TMEM67: variants seen among roughly 807,000 people sequenced by gnomAD.
TMEM67 encodes the protein meckelin.
A neutral mutation model predicts 136.6 loss-of-function variants in TMEM67; 124 were observed. That is an observed-to-expected ratio of 0.91 (90% CI 0.78 to 1.05). TMEM67 has a LOEUF of 1.05. Among genes scored for constraint, TMEM67 ranks in the 50% least tolerant of loss-of-function variants. TMEM67 has a pLI of 0.00. For missense variants in TMEM67, 1,107 were observed against 1,178.4 expected, an observed-to-expected ratio of 0.94 and a Z score of 0.89; for synonymous variants, 364 against 390.5, an observed-to-expected ratio of 0.93 and a Z score of 0.80.
intron 11 of TMEM67, among the ~76,000 whole-genome samples, chr8:93,782,712 T>A (rs142826703): frequency 6.6e-6 from 1 of 151,384 alleles, no homozygotes; most frequent in Non-Finnish European, 1.5e-5. Context: ...TAGCTGGAAT[T>A]ACAGACATGT....
Position 93,816,617 on chromosome 8 carries a change from G to A in TMEM67, c.*165G>A, listed in dbSNP as rs1030355767. The A allele has an allele frequency of 4.2e-6, 2 of 480,692 alleles. No homozygotes were observed. The highest frequency in any genetic ancestry group is 7.6e-6 in the Non-Finnish European group (2 of 263,778). 29.8% of individuals were successfully genotyped at this position (480,692 alleles called of 1,614,324 possible). ...TTTATAACTTGGGAATATATAACCT[G>A]ATATAATAGAAAATACTGTTTTCCC... On this transcript the variant is annotated 3_prime_UTR_variant, in exon 28 of 28. Transcript: ENST00000453321.
At chr8:93,808,815 T>C (rs1335904529) in intron 23 of TMEM67, 25 bp from the exon 24 acceptor site, 1 of 1,448,996 alleles carries the variant, frequency 6.9e-7, no homozygotes, top group African/African-American at 1.4e-5. Flanking sequence ...ATTTTGATCT[T>C]AACTTAAATT....
At position 93,799,758 on chromosome 8, in the gene TMEM67, G is replaced by A. The variant is rs115563233; in HGVS notation, c.2241G>A (p.Gln747=). 2.0e-3 allele frequency: 3,198 copies of A among 1,612,412 alleles called. 13 individuals are homozygous for A. The highest frequency in any genetic ancestry group is 7.8e-3 in the Middle Eastern group (47 of 6,056). Residue 747 remains glutamine (Q), a splice_region_variant and synonymous_variant, in exon 21 of 28, where the codon CAG becomes CAA. Transcript: ENST00000453321. ...AALWLAIGII[Q]VVFFAVFYER... Reference sequence around the variant, plus strand: ...TTTGGCTAGCCATTGGAATTATACAGGTAAGGAATTATACAGGTAATATTA... The same window carrying A: ...TTTGGCTAGCCATTGGAATTATACAAGTAAGGAATTATACAGGTAATATTA...
At chr8:93,784,228 T>C (rs1475453026) in intron 11 of TMEM67, among the ~76,000 whole-genome samples, 2 of 152,236 alleles carry the variant, frequency 1.3e-5, no homozygotes, top group East Asian at 1.9e-4. Flanking sequence ...ATAAATGTTA[T>C]TGTGCTTCTA....
At chr8:93,804,303 T>G (rs922105288) in intron 22 of TMEM67, among the ~76,000 whole-genome samples, 21 of 94,466 alleles carry the variant, frequency 2.2e-4, no homozygotes, top group African/African-American at 7.7e-4. Context: ...CTTTTCTCTT[T>G]TCTTTTCTTT....
Position 93,763,841 on chromosome 8 carries a change from G to C in TMEM67, c.407-1G>C. ...CTTTATTTTGTTTCTAAACTGTTCA[G>C]TGGAAAGAGACATTAATGGAACATT... On this transcript the variant is annotated splice_acceptor_variant, in intron 3 of 27. Coordinates refer to ENST00000453321, the MANE Select transcript of TMEM67 (RefSeq NM_153704.6). LOFTEE classifies it high-confidence loss of function. 6.2e-7 allele frequency: 1 copy of C among 1,607,630 alleles called. No individual in the cohort carries two copies. The highest frequency in any genetic ancestry group is 8.5e-7 in the Non-Finnish European group (1 of 1,174,276).
intron 17 of TMEM67, 119 bp downstream of exon 17, chr8:93,795,626 C>A (rs1188614908): frequency 9.4e-6 from 8 of 849,748 alleles, no homozygotes; most frequent in Non-Finnish European, 1.6e-5. Flanking sequence ...AGAAAAGTTC[C>A]CAACTCCCCA....
In TMEM67 at chr8:93,774,574, G is replaced by A. The variant is rs111316834; in HGVS notation, c.714+1923G>A. ...CCCCGCCCTGTGTCCAAGTGTTCTC[G>A]TTGAATTCCCACCTATGAGAGAGAA... On this transcript the variant is annotated intron_variant, in intron 7 of 27. Coordinates refer to ENST00000453321, the MANE Select transcript of TMEM67 (RefSeq NM_153704.6). Among the ~76,000 whole-genome samples the A allele has an allele frequency of 5.3e-3, 810 of 152,036 alleles. 4 individuals are homozygous for A. The highest frequency in any genetic ancestry group is 9.9e-3 in the Admixed American group (151 of 15,256).
chr8:93,821,370 C>T (rs1809038690), downstream of TMEM67, among the ~76,000 whole-genome samples: 1 of 152,188 alleles, frequency 6.6e-6, no homozygotes, highest in Non-Finnish European at 1.5e-5. Flanking sequence ...TAGACTCGAC[C>T]TCCCAGGCTC....
chr8:93,781,928 T>C (rs951440064), intron 10 of TMEM67, among the ~76,000 whole-genome samples, 184 bp downstream of exon 10: 3 of 145,670 alleles, frequency 2.1e-5, no homozygotes, highest in South Asian at 2.1e-4. Flanking sequence ...TGTTTTTTCT[T>C]TTTTTTTTGA....
chr8:93,830,239 T>C, the TMEM67 span, among the ~76,000 whole-genome samples: 8 of 152,208 alleles, frequency 5.3e-5, no homozygotes, highest in African/African-American at 1.9e-4. Context: ...ATGAGATTCC[T>C]GGAGGGTGGA....
Position 93,797,353 on chromosome 8 carries a change from C to T in TMEM67, c.1983C>T (p.Ala661=), listed in dbSNP as rs1297734907. The stretch of plus-strand genomic sequence containing the variant: ...CAGGTGAGGGTGGTGTACGAAGTGC[C>T]ACTGTTCCTGTAAGCATATGGAGAA... ...AVEGEGGVRS[A]TVPVSIWRTY... Residue 661 remains alanine, a synonymous_variant, in exon 20 of 28, where the codon GCC becomes GCT. Coordinates refer to ENST00000453321, the MANE Select transcript of TMEM67 (RefSeq NM_153704.6). 5.6e-6 allele frequency: 9 copies of T among 1,613,928 alleles called. No individual in the cohort carries two copies. In the African/African-American group the frequency reaches 9.3e-5, roughly 17 times the overall value.
intron 6 of TMEM67, among the ~76,000 whole-genome samples, chr8:93,770,607 G>C (rs886478611): frequency 2.6e-5 from 4 of 152,086 alleles, no homozygotes; most frequent in African/African-American, 9.7e-5. Flanking sequence ...CTCATGATTA[G>C]ACTCAGTGAA....
chr8:93,793,241 T>C lies in TMEM67; in HGVS notation c.1619T>C (p.Leu540Pro), dbSNP rs1814465514. The C allele has an allele frequency of 6.2e-7, 1 of 1,614,224 alleles. No homozygotes were observed. The highest frequency in any genetic ancestry group is 8.5e-7 in the Non-Finnish European group (1 of 1,180,032). Residue 540 changes from leucine (L) to proline (P), a missense_variant, in exon 16 of 28, where the codon CTT becomes CCT. This residue lies in a region of TMEM67 where 925 missense variants were observed against 1,002.4 expected (regional missense o/e 0.92). Coordinates refer to ENST00000453321, the MANE Select transcript of TMEM67 (RefSeq NM_153704.6). ...GGTGGGCTAGCTGTTTTAGCATCTC[T>C]TTTGAAGACAGCAGGATGGAAGAGG... ...VLGGLAVLAS[L>P]LKTAGWKRRI...
At chr8:93,826,299 T>G in the TMEM67 span, among the ~76,000 whole-genome samples, 4 of 151,846 alleles carry the variant, frequency 2.6e-5, no homozygotes, top group Non-Finnish European at 5.9e-5. Flanking sequence ...GTGGCTAGTT[T>G]TTTGTATTTT....
rs1376076808 is a variant in TMEM67, at chr8:93,785,174, C to CT, written c.1132-45dup. 4 of 1,104,296 alleles carry CT rather than the reference C, an allele frequency of 3.6e-6. No individual in the cohort carries two copies. The African/African-American group carries it at 4.6e-5, about 13-fold the overall frequency. 68.4% of individuals were successfully genotyped at this position (1,104,296 alleles called of 1,614,324 possible). ...TTATTTTATTTTTTACTTTTTAGTACTTTAAGTTGCTGTTTTATGTGCTTT... is the reference window on the plus strand; with the variant it reads ...TTATTTTATTTTTTACTTTTTAGTACTTTTAAGTTGCTGTTTTATGTGCTTT... On this transcript the variant is annotated intron_variant, in intron 11 of 27. Transcript: ENST00000453321.
Position 93,786,216 on chromosome 8 carries a change from A to G in TMEM67, c.1289-7A>G, listed in dbSNP as rs779551189. The G allele has an allele frequency of 1.9e-6, 3 of 1,613,118 alleles. No homozygotes were observed. Among genetic ancestry groups the G allele is most frequent in the African/African-American group, 1.3e-5 (1 of 74,882 alleles). ...TGCAGTAAACTTTTTTCTTTTTATA[A>G]TAAAAGACAGCAACTCTGGAAAGTG... On this transcript the variant is annotated splice_region_variant and splice_polypyrimidine_tract_variant and intron_variant, in intron 12 of 27. Coordinates refer to ENST00000453321, the MANE Select transcript of TMEM67 (RefSeq NM_153704.6).
At chr8:93,824,931 G>A in the TMEM67 span, among the ~76,000 whole-genome samples, 1 of 152,114 alleles carries the variant, frequency 6.6e-6, no homozygotes, top group East Asian at 1.9e-4. Flanking sequence ...GGCCAGGCTG[G>A]TCTCGAACTC....
In TMEM67 at chr8:93,786,228, A is replaced by T; in HGVS notation, c.1294A>T (p.Asn432Tyr). 6.2e-7 allele frequency: 1 copy of T among 1,613,922 alleles called. No individual in the cohort carries two copies. The highest frequency in any genetic ancestry group is 8.5e-7 in the Non-Finnish European group (1 of 1,179,930). Residue 432 changes from asparagine to tyrosine, a missense_variant, in exon 13 of 28, where the codon AAC (asparagine) becomes TAC (tyrosine). By Grantham distance (143) the Asn-to-Tyr change is moderately radical. This residue lies in a region of TMEM67 where 925 missense variants were observed against 1,002.4 expected (regional missense o/e 0.92). Coordinates refer to ENST00000453321, the MANE Select transcript of TMEM67 (RefSeq NM_153704.6). ...TTTTCTTTTTATAATAAAAGACAGC[A>T]ACTCTGGAAAGTGGCTTCTAACTCG... ...HNKIFVNQDSNSGKWLLTRRI... is the reference protein window; with the variant it reads ...HNKIFVNQDSYSGKWLLTRRI...
Sources: allele counts gnomAD v4.1 joint callset (sites outside exome capture counted in the v4.1 genomes callset), GRCh38; gene constraint gnomAD v4.1.1; regional missense constraint gnomAD v4.1.1; transcripts MANE v1.5; gene names NCBI Gene and HGNC (gene_info 2026-07-23, HGNC 2026-07-21).